OVCH1: variants seen among roughly 807,000 people sequenced by gnomAD.
OVCH1 encodes ovochymase-1.
OVCH1 carries 139 observed loss-of-function variants against 138.4 expected under a neutral mutation model. The ratio of observed to expected loss-of-function variants is 1.00; its 90% CI spans 0.87 to 1.16. The LOEUF (loss-of-function observed/expected upper bound fraction) is 1.16, where lower values mean the gene tolerates loss of function less well. Ranked by LOEUF, OVCH1 falls within the 50% of genes most tolerant of loss-of-function variation. OVCH1 has a pLI of 0.00. For synonymous variants in OVCH1, 453 were observed against 467.8 expected (o/e 0.97, Z 0.41); for missense variants, 1,367 against 1,357.9 (o/e 1.01, Z -0.11).
intron 3 of OVCH1, among the ~76,000 whole-genome samples, chr12:29,422,479 C>CTA (rs1941118939): frequency 6.6e-6 from 1 of 152,172 alleles, no homozygotes; most frequent in Non-Finnish European, 1.5e-5. Context: ...ACACTCTAAT[C>CTA]AAGAGGACCT....
At chr12:29,487,803 C>A in exon 7 of OVCH1, 2 of 1,606,090 alleles carry the variant, frequency 1.2e-6, no homozygotes, top group Admixed American at 1.7e-5. Flanking sequence ...TCCAGCACAA[C>A]CAGCTACCCA....
intron 6 of OVCH1, among the ~76,000 whole-genome samples, chr12:29,488,360 G>A (rs1409240799): frequency 1.3e-5 from 2 of 152,156 alleles, no homozygotes; most frequent in Non-Finnish European, 2.9e-5. Flanking sequence ...GTTCACACCT[G>A]TAATCCCAGC....
intron 3 of OVCH1, among the ~76,000 whole-genome samples, chr12:29,413,279 C>G (rs10431274): frequency 0.56 from 85,667 of 151,938 alleles, 26,217 homozygotes; most frequent in Middle Eastern, 0.78. Context: ...TATCCTCCCA[C>G]GACAATAGGA....
chr12:29,466,724 CA>C (rs1182154808), intron 16 of OVCH1, among the ~76,000 whole-genome samples: 3 of 152,098 alleles, frequency 2.0e-5, no homozygotes, highest in African/African-American at 7.2e-5. Context: ...TGATACACCT[CA>C]AAATGATGTT....
At chr12:29,485,963 TAAAATA>T (rs1409147812) in intron 8 of OVCH1, among the ~76,000 whole-genome samples, 381 of 94,826 alleles carry the variant, frequency 4.0e-3, no homozygotes, top group African/African-American at 0.014. Context: ...TAAAATAAAA[TAAAATA>T]AAATAAATAA....
intron 16 of OVCH1, among the ~76,000 whole-genome samples, chr12:29,471,404 G>A (rs1942503147): frequency 6.6e-6 from 1 of 152,100 alleles, no homozygotes; most frequent in Non-Finnish European, 1.5e-5. Flanking sequence ...TGGCTTGTGT[G>A]GTAAGGCGTC....
At chr12:29,447,173 T>TA (rs1025605408) in intron 22 of OVCH1, among the ~76,000 whole-genome samples, 5 of 152,092 alleles carry the variant, frequency 3.3e-5, no homozygotes, top group African/African-American at 7.2e-5. Context: ...CAATTAGTTT[T>TA]AAAAAAACAA....
intron 3 of OVCH1, among the ~76,000 whole-genome samples, chr12:29,421,188 G>A (rs78556046): frequency 0.043 from 6,605 of 152,314 alleles, 447 homozygotes; most frequent in African/African-American, 0.14. Flanking sequence ...GGCTCTCCAA[G>A]CATGGCTGGC....
chr12:29,476,749 A>ACGCGCGCG (rs145053170), intron 12 of OVCH1, among the ~76,000 whole-genome samples: 338 of 17,158 alleles, frequency 0.02, 4 homozygotes, highest in African/African-American at 0.035. Flanking sequence ...ATAAGTACAC[A>ACGCGCGCG]CGCGCGCACA....
chr12:29,433,850 C>T lies in OVCH1; in HGVS notation c.3265-37G>A. The T allele has an allele frequency of 2.2e-6, 3 of 1,350,364 alleles. No homozygotes were observed. The South Asian group carries it at 4.4e-5, about 20-fold the overall frequency. 83.6% of individuals were successfully genotyped at this position (1,350,364 alleles called of 1,614,324 possible). ...TAAAATGTTTTTAATGGAAATGCCTCCCAAACTGTATTTCAATTAACATGT... is the reference window on the plus strand; with the variant it reads ...TAAAATGTTTTTAATGGAAATGCCTTCCAAACTGTATTTCAATTAACATGT... On this transcript the variant is annotated intron_variant, in intron 26 of 27. Transcript: ENST00000318184.
chr12:29,409,817 A>T (rs577077720), downstream of OVCH1, among the ~76,000 whole-genome samples: 36 of 152,120 alleles, frequency 2.4e-4, no homozygotes, highest in Admixed American at 2.4e-3. Context: ...GTAGATGTCT[A>T]TGAGGTCTGC....
chr12:29,497,607 A>C lies in OVCH1; in HGVS notation c.64+16T>G, dbSNP rs769047122. The stretch of plus-strand genomic sequence containing the variant: ...AGCCTCCTCCGCAGTCCTGGTGCCC[A>C]GGTCCCTAGGCTCACCTAGGCTTCT... On this transcript the variant is annotated intron_variant, in intron 1 of 27. Coordinates refer to ENST00000318184, the Ensembl canonical transcript of OVCH1. 1 of 1,613,446 alleles carries C rather than the reference A, an allele frequency of 6.2e-7. No individual in the cohort carries two copies. Among genetic ancestry groups the C allele is most frequent in the Admixed American group, 1.7e-5 (1 of 59,986 alleles).
At chr12:29,410,637 C>T (rs1463037531), downstream of OVCH1, among the ~76,000 whole-genome samples, 3 of 146,236 alleles carry the variant, frequency 2.1e-5, no homozygotes, top group Middle Eastern at 3.4e-3. Flanking sequence ...TGAATATTGG[C>T]CCCCACTCTC....
intron 21 of OVCH1, 69 bp from the exon 22 acceptor site, chr12:29,451,638 C>A (rs1592055637): frequency 8.0e-7 from 1 of 1,246,672 alleles, no homozygotes; most frequent in Admixed American, 2.5e-5. Context: ...GATTCTATCA[C>A]AAGACTGAAA....
exon 16 of OVCH1, chr12:29,471,846 G>A: frequency 6.2e-7 from 1 of 1,612,884 alleles, no homozygotes; most frequent in Non-Finnish European, 8.5e-7. Context: ...CTGGGTTGAT[G>A]ATGGCACCTC....
At chr12:29,487,928 T>C in intron 6 of OVCH1, 46 bp from the exon 7 acceptor site, 1 of 1,521,120 alleles carries the variant, frequency 6.6e-7, no homozygotes, top group Non-Finnish European at 8.9e-7. Flanking sequence ...AGCCACAGTG[T>C]AAAATATTTC....
chr12:29,489,906 T>TG, intron 5 of OVCH1, 135 bp from the exon 6 acceptor site: 1 of 972,728 alleles, frequency 1.0e-6, no homozygotes, highest in Non-Finnish European at 1.5e-6. Flanking sequence ...GTGTGAATCA[T>TG]ATTCACTTCT....
intron 8 of OVCH1, among the ~76,000 whole-genome samples, chr12:29,485,160 C>T (rs75127920): frequency 0.034 from 5,174 of 151,746 alleles, 275 homozygotes; most frequent in African/African-American, 0.11. Context: ...CACTTGAGGT[C>T]GGGAGTTTGA....
At chr12:29,405,040 A>AC in the OVCH1 span, among the ~76,000 whole-genome samples, 1 of 148,788 alleles carries the variant, frequency 6.7e-6, no homozygotes, top group African/African-American at 2.5e-5. Flanking sequence ...AAAAAAAAAA[A>AC]AAAAAAAAAA....
Sources: gnomAD v4.1 joint callset for allele counts (sites outside exome capture counted in the v4.1 genomes callset) on GRCh38, gnomAD v4.1.1 for gene constraint, MANE v1.5 for transcripts, NCBI Gene and HGNC (gene_info 2026-07-23, HGNC 2026-07-21) for gene names.